The following PIK3C2A variants were observed in gnomAD, a reference collection of about 807,000 sequenced individuals.
PIK3C2A encodes phosphatidylinositol 4-phosphate 3-kinase C2 domain-containing subunit alpha.
In PIK3C2A, 97 loss-of-function variants were observed where a neutral mutation model predicts 204.5. That is an observed-to-expected ratio of 0.47 (90% CI 0.40 to 0.56). PIK3C2A has a LOEUF of 0.56. PIK3C2A is among the 20% of genes least tolerant of loss of function. The probability of loss-of-function intolerance (pLI) is 0.00; values close to 1 mark genes in which losing one functional copy is unlikely to be tolerated. For synonymous variants in PIK3C2A, 653 were observed against 664.4 expected, an observed-to-expected ratio of 0.98 and a Z score of 0.26; for missense variants, 1,735 against 1,969.2, an observed-to-expected ratio of 0.88 and a Z score of 2.25.
At chr11:17,095,566 G>C (rs571113150) in intron 27 of PIK3C2A, among the ~76,000 whole-genome samples, 1 of 151,668 alleles carries the variant, frequency 6.6e-6, no homozygotes, top group East Asian at 1.9e-4. Flanking sequence ...ACTCCAGCCT[G>C]GGCAACAGAG....
intron 4 of PIK3C2A, among the ~76,000 whole-genome samples, chr11:17,149,369 AAGGTATAC>A (rs1281186170): frequency 5.9e-5 from 9 of 152,094 alleles, no homozygotes; most frequent in African/African-American, 2.2e-4. Context: ...AAAAATAAAT[AAGGTATAC>A]AGGAGGATGT....
intron 19 of PIK3C2A, 54 bp downstream of exon 19, chr11:17,117,436 TA>T: frequency 7.9e-7 from 1 of 1,268,438 alleles, no homozygotes; most frequent in Non-Finnish European, 1.1e-6. Context: ...GTCAGCACCA[TA>T]AAGATCCTTC....
intron 1 of PIK3C2A, among the ~76,000 whole-genome samples, chr11:17,174,663 C>A (rs1851283375): frequency 2.0e-5 from 3 of 151,092 alleles, no homozygotes. Context: ...CTTTGGGAGG[C>A]TGAGGCAAGT....
chr11:17,122,630 A>G (rs1267495765), intron 14 of PIK3C2A, 72 bp downstream of exon 14: 2 of 739,494 alleles, frequency 2.7e-6, no homozygotes, highest in Non-Finnish European at 4.7e-6. Context: ...AACCCAAATC[A>G]TGGTATACAC....
At chr11:17,155,433 T>TA in intron 3 of PIK3C2A, 93 bp downstream of exon 3, 1 of 632,832 alleles carries the variant, frequency 1.6e-6, no homozygotes, top group Non-Finnish European at 2.7e-6. Context: ...AAGAAGAAAA[T>TA]AATTAAAATT....
chr11:17,147,368 T>A, intron 6 of PIK3C2A, 149 bp downstream of exon 6: 1 of 582,846 alleles, frequency 1.7e-6, no homozygotes, highest in South Asian at 2.3e-5. Context: ...ACATCTCCCC[T>A]CATTTGCTAA....
At chr11:17,122,596 C>T in intron 14 of PIK3C2A, 106 bp downstream of exon 14, 1 of 667,798 alleles carries the variant, frequency 1.5e-6, no homozygotes, top group Non-Finnish European at 2.6e-6. Flanking sequence ...GAGACTAAAA[C>T]AAGATCAGTT....
At chr11:17,151,854 A>C (rs1472144019) in intron 3 of PIK3C2A, among the ~76,000 whole-genome samples, 2 of 152,142 alleles carry the variant, frequency 1.3e-5, no homozygotes, top group African/African-American at 4.8e-5. Context: ...AATATAATAC[A>C]CCTTTTCTTT....
chr11:17,126,716 A>G (rs1313652580), intron 13 of PIK3C2A, among the ~76,000 whole-genome samples: 2 of 152,240 alleles, frequency 1.3e-5, no homozygotes, highest in East Asian at 1.9e-4. Context: ...GATCGCCTGC[A>G]CTACTTGGCA....
intron 6 of PIK3C2A, among the ~76,000 whole-genome samples, chr11:17,146,560 A>C (rs1470980676): frequency 7.0e-6 from 1 of 142,110 alleles, no homozygotes; most frequent in Non-Finnish European, 1.5e-5. Flanking sequence ...TAAAAATACA[A>C]AAAAAAAAAA....
At chr11:17,144,584 T>C (rs1175398872) in intron 8 of PIK3C2A, among the ~76,000 whole-genome samples, 1 of 152,012 alleles carries the variant, frequency 6.6e-6, no homozygotes, top group Admixed American at 6.6e-5. Flanking sequence ...AAACAAGACA[T>C]GAAACATTAA....
intron 1 of PIK3C2A, among the ~76,000 whole-genome samples, chr11:17,197,108 A>G (rs974723496): frequency 6.6e-6 from 1 of 151,520 alleles, no homozygotes; most frequent in Non-Finnish European, 1.5e-5. Context: ...TGCAACCTCC[A>G]CCTTCCAGCT....
chr11:17,129,490 A>C, intron 12 of PIK3C2A, 23 bp from the exon 13 acceptor site: 1 of 1,464,796 alleles, frequency 6.8e-7, no homozygotes, highest in African/African-American at 1.4e-5. Context: ...AAATGTATTA[A>C]TAGAACAAAT....
chr11:17,168,814 CAAG>C lies in PIK3C2A; in HGVS notation c.925_927del (p.Leu309del). ...TGACAATTTGCTGTCGATCTCTCTT[CAAG>C]AAGAACAGCATCCCAAGGATCCTTT... On this transcript the variant is annotated inframe_deletion, in exon 2 of 33. Transcript: ENST00000691414. The C allele has an allele frequency of 7.4e-6, 12 of 1,614,062 alleles. No individual in the cohort carries two copies. The highest frequency in any genetic ancestry group is 1.1e-5 in the South Asian group (1 of 91,068).
chr11:17,137,799 G>C (rs1849923637), intron 8 of PIK3C2A, among the ~76,000 whole-genome samples: 1 of 152,064 alleles, frequency 6.6e-6, no homozygotes, highest in Non-Finnish European at 1.5e-5. Context: ...ACTAGAGCTA[G>C]ACCCTATAAA....
intron 1 of PIK3C2A, among the ~76,000 whole-genome samples, chr11:17,185,151 A>C (rs958489225): frequency 6.6e-6 from 1 of 152,120 alleles, no homozygotes; most frequent in African/African-American, 2.4e-5. Flanking sequence ...GTACATTTTT[A>C]AATCTTTTAT....
chr11:17,121,280 GCTA>G (rs1849359022), intron 15 of PIK3C2A, among the ~76,000 whole-genome samples: 1 of 151,800 alleles, frequency 6.6e-6, no homozygotes, highest in Admixed American at 6.6e-5. Flanking sequence ...ACTGTGCCTG[GCTA>G]CTTTTAATTT....
intron 8 of PIK3C2A, among the ~76,000 whole-genome samples, chr11:17,138,877 C>T (rs182623496): frequency 6.6e-6 from 1 of 152,246 alleles, no homozygotes; most frequent in East Asian, 1.9e-4. Context: ...CTCTTTCACC[C>T]CTTAAAGCAA....
At position 17,132,600 on chromosome 11, in the gene PIK3C2A, A is replaced by AT. The variant is rs552530416; in HGVS notation, c.2109-563dup. On this transcript the variant is annotated intron_variant, in intron 11 of 32. Transcript: ENST00000691414. ...CGCCTCGGCCTCCCAAAGTGCTGGG[A>AT]TTACAGGCGTGAGCCACCGCGCCCG... Among the ~76,000 whole-genome samples the AT allele has an allele frequency of 3.8e-3, 579 of 152,224 alleles. 2 individuals carry two copies. Among genetic ancestry groups the AT allele is most frequent in the Middle Eastern group, 0.024 (7 of 292 alleles).
Sources: allele counts gnomAD v4.1 joint callset (sites outside exome capture counted in the v4.1 genomes callset), GRCh38; gene constraint gnomAD v4.1.1; transcripts MANE v1.5; gene names NCBI Gene and HGNC (gene_info 2026-07-23, HGNC 2026-07-21).